DEFB4A: variants seen among roughly 807,000 people sequenced by gnomAD.
The protein encoded by DEFB4A is defensin beta 4A.
chr8:7,895,845 GGGAGGGAA>G lies in DEFB4A; in HGVS notation c.59-613_59-606del, dbSNP rs1818998499. 3.7e-4 allele frequency among the ~76,000 whole-genome samples: 17 copies of G among 45,584 alleles called. 2 individuals are homozygous for G. Among genetic ancestry groups the G allele is most frequent in the African/African-American group, 5.7e-4 (7 of 12,266 alleles). The allele number at this position is 45,584 out of a possible 152,430, so 29.9% of individuals were successfully genotyped here. A position where few individuals can be genotyped will look rare whatever the true frequency, so the allele number is the denominator to read the frequency against. ...AGGGAAGGAGGGAAGGAGGGAGGGA[GGGAGGGAA>G]GGAGGGAAGGAGGGAGGGAGGGAGG... On this transcript the variant is annotated intron_variant, in intron 1 of 1. Transcript: ENST00000302247.
chr8:7,895,319 A>T (rs1818990650), intron 1 of DEFB4A, among the ~76,000 whole-genome samples: 1 of 99,468 alleles, frequency 1.0e-5, no homozygotes, highest in African/African-American at 3.9e-5. Flanking sequence ...AGATACTGCA[A>T]CCTAGAGAAT....
At position 7,896,182 on chromosome 8, in the gene DEFB4A, C is replaced by G. The variant is rs547777581; in HGVS notation, c.59-292C>G. Among the ~76,000 whole-genome samples, 5 of 101,658 alleles carry G rather than the reference C, an allele frequency of 4.9e-5. 1 individual carries two copies. The highest frequency in any genetic ancestry group is 1.8e-4 in the African/African-American group (5 of 28,526). The allele number at this position is 101,658 out of a possible 152,430, so 66.7% of individuals were successfully genotyped here. ...ACAAGAGATCGTTGCTGAGCTCCTG[C>G]CAGACCCCACCTGGAGGCCCCAGTC... On this transcript the variant is annotated intron_variant, in intron 1 of 1. Transcript: ENST00000302247.
chr8:7,895,284 T>G, intron 1 of DEFB4A, among the ~76,000 whole-genome samples: 1 of 101,342 alleles, frequency 9.9e-6, no homozygotes, highest in Non-Finnish European at 2.1e-5. Context: ...GAATGTCATT[T>G]TCTAAATTTT....
intron 1 of DEFB4A, 49 bp downstream of exon 1, chr8:7,894,819 G>T (rs539952500): frequency 6.3e-7 from 1 of 1,587,672 alleles, no homozygotes; most frequent in Non-Finnish European, 8.6e-7. Context: ...GAAGAATGGC[G>T]TAGAAGTTCT....
chr8:7,894,704 C>G lies in DEFB4A; in HGVS notation c.-9C>G. On this transcript the variant is annotated 5_prime_UTR_variant, in exon 1 of 2. Transcript: ENST00000302247. ...ACTCAGCTCCTGGTGAAGCTCCCAGCCATCAGCCATGAGGGTCTTGTATCT... is the reference window on the plus strand; with the variant it reads ...ACTCAGCTCCTGGTGAAGCTCCCAGGCATCAGCCATGAGGGTCTTGTATCT... The G allele has an allele frequency of 6.2e-7, 1 of 1,611,418 alleles. No homozygotes were observed. The highest frequency in any genetic ancestry group is 2.2e-5 in the East Asian group (1 of 44,684).
intron 1 of DEFB4A, among the ~76,000 whole-genome samples, chr8:7,896,118 G>A (rs1819003310): frequency 2.9e-5 from 3 of 102,276 alleles, no homozygotes. Flanking sequence ...TGGAGGTATG[G>A]TGGCTTTGAT....
In DEFB4A at chr8:7,895,884, A is replaced by G. The variant is rs553468482; in HGVS notation, c.59-590A>G. Among the ~76,000 whole-genome samples the G allele has an allele frequency of 1.8e-3, 149 of 83,430 alleles. 15 individuals are homozygous for G. Among genetic ancestry groups the G allele is most frequent in the African/African-American group, 6.2e-3 (140 of 22,586 alleles). The allele number at this position is 83,430 out of a possible 152,430, so 54.7% of individuals were successfully genotyped here. A position where few individuals can be genotyped will look rare whatever the true frequency, so the allele number is the denominator to read the frequency against. On this transcript the variant is annotated intron_variant, in intron 1 of 1. Transcript: ENST00000302247. ...GAAGGAGGGAGGGAGGGAGGGAAAC[A>G]AAAAGAAGAATGAGGTTGAAACCAG... is the stretch of plus-strand genomic sequence containing the variant.
chr8:7,895,770 G>A (rs1269376650), intron 1 of DEFB4A, among the ~76,000 whole-genome samples: 3 of 52,676 alleles, frequency 5.7e-5, no homozygotes, highest in Non-Finnish European at 8.0e-5. Context: ...GGAAGGCGGG[G>A]AGGCAGGGAG....
intron 1 of DEFB4A, among the ~76,000 whole-genome samples, 156 bp downstream of exon 1, chr8:7,894,926 C>T (rs867047370): frequency 7.9e-6 from 1 of 127,094 alleles, no homozygotes; most frequent in Admixed American, 8.0e-5. Context: ...CTGCTTCTCT[C>T]TCTTCTTCCC....
rs183458942 is a variant in DEFB4A at position 7,895,069 on chromosome 8, G to T, written c.58+299G>T. On this transcript the variant is annotated intron_variant, in intron 1 of 1. Coordinates refer to ENST00000302247, the MANE Select transcript of DEFB4A (RefSeq NM_004942.4). The stretch of plus-strand genomic sequence containing the variant: ...GCCCTATTTAATTGAACCAAGCATT[G>T]CTTCCTTCAATAGAAAAGGAGTTTG... Among the ~76,000 whole-genome samples the T allele has an allele frequency of 6.7e-3, 678 of 101,156 alleles. 220 individuals carry two copies. The highest frequency in any genetic ancestry group is 0.01 in the Non-Finnish European group (485 of 47,214). 66.4% of individuals were successfully genotyped at this position (101,156 alleles called of 152,430 possible). A position where few individuals can be genotyped will look rare whatever the true frequency, so the allele number is the denominator to read the frequency against.
chr8:7,896,112 G>A lies in DEFB4A; in HGVS notation c.59-362G>A, dbSNP rs532068690. On this transcript the variant is annotated intron_variant, in intron 1 of 1. Transcript: ENST00000302247. ...ACTGGCTTGTGTGTGTTAAAATGGA[G>A]GTATGGTGGCTTTGATATTATCTTC... 3.9e-4 allele frequency among the ~76,000 whole-genome samples: 40 copies of A among 101,970 alleles called. 7 individuals are homozygous for A. The highest frequency in any genetic ancestry group is 1.4e-3 in the African/African-American group (40 of 28,740). The allele number at this position is 101,970 out of a possible 152,430, so 66.9% of individuals were successfully genotyped here. A position where few individuals can be genotyped will look rare whatever the true frequency, so the allele number is the denominator to read the frequency against.
intron 1 of DEFB4A, among the ~76,000 whole-genome samples, chr8:7,896,166 C>G (rs1360623169): frequency 9.8e-6 from 1 of 101,718 alleles, no homozygotes; most frequent in Non-Finnish European, 2.2e-5. Context: ...CACAAGAGAT[C>G]GTTGCTGAGC....
At chr8:7,895,808 A>T (rs1465838309) in intron 1 of DEFB4A, among the ~76,000 whole-genome samples, 7 of 40 alleles carry the variant, frequency 0.17, no homozygotes, top group Non-Finnish European at 0.29. Flanking sequence ...TGGGAGGGGG[A>T]GGGAGGGAGG....
chr8:7,895,767 G>C (rs1220890906), intron 1 of DEFB4A, among the ~76,000 whole-genome samples: 2 of 63,664 alleles, frequency 3.1e-5, no homozygotes, highest in African/African-American at 1.2e-4. Context: ...GAAGGAAGGC[G>C]GGGAGGCAGG....
intron 1 of DEFB4A, among the ~76,000 whole-genome samples, chr8:7,896,148 G>A (rs1819003728): frequency 9.8e-6 from 1 of 102,116 alleles, no homozygotes; most frequent in African/African-American, 3.5e-5. Flanking sequence ...TTGTGGTGGA[G>A]CTGAATTCAC....
chr8:7,895,064 G>A lies in DEFB4A; in HGVS notation c.58+294G>A, dbSNP rs1353429485. 3.0e-5 allele frequency among the ~76,000 whole-genome samples: 3 copies of A among 101,316 alleles called. 1 individual carries two copies. Among genetic ancestry groups the A allele is most frequent in the Non-Finnish European group, 4.2e-5 (2 of 47,248 alleles). 66.5% of individuals were successfully genotyped at this position (101,316 alleles called of 152,430 possible). ...TGAATGCCCTATTTAATTGAACCAA[G>A]CATTGCTTCCTTCAATAGAAAAGGA... is the stretch of plus-strand genomic sequence containing the variant. On this transcript the variant is annotated intron_variant, in intron 1 of 1. Coordinates refer to ENST00000302247, the MANE Select transcript of DEFB4A (RefSeq NM_004942.4).
Position 7,896,113 on chromosome 8 carries a change from G to T in DEFB4A, c.59-361G>T, listed in dbSNP as rs1283801161. 5.9e-5 allele frequency among the ~76,000 whole-genome samples: 6 copies of T among 102,072 alleles called. 2 individuals are homozygous for T. Among genetic ancestry groups the T allele is most frequent in the Non-Finnish European group, 1.3e-4 (6 of 46,232 alleles). 67.0% of individuals were successfully genotyped at this position (102,072 alleles called of 152,430 possible). On this transcript the variant is annotated intron_variant, in intron 1 of 1. Coordinates refer to ENST00000302247, the MANE Select transcript of DEFB4A (RefSeq NM_004942.4). ...CTGGCTTGTGTGTGTTAAAATGGAG[G>T]TATGGTGGCTTTGATATTATCTTCT...
At chr8:7,895,911 A>T (rs1166473612) in intron 1 of DEFB4A, among the ~76,000 whole-genome samples, 1 of 93,220 alleles carries the variant, frequency 1.1e-5, no homozygotes, top group Admixed American at 1.0e-4. Context: ...TGAAACCAGG[A>T]CTTAGATATT....
In DEFB4A at chr8:7,896,243, C is replaced by A. The variant is rs1439612183; in HGVS notation, c.59-231C>A. On this transcript the variant is annotated intron_variant, in intron 1 of 1. Transcript: ENST00000302247. ...GATCAGGGTCTTTCACAATCAGGTT[C>A]TACAAAAATAAACATCCCCCAAACC... 3.1e-3 allele frequency among the ~76,000 whole-genome samples: 286 copies of A among 92,630 alleles called. 84 individuals carry two copies. The highest frequency in any genetic ancestry group is 5.7e-3 in the Non-Finnish European group (245 of 42,756). 60.8% of individuals were successfully genotyped at this position (92,630 alleles called of 152,430 possible).
Sources: allele counts gnomAD v4.1 joint callset (sites outside exome capture counted in the v4.1 genomes callset), GRCh38; gene constraint gnomAD v4.1.1; transcripts MANE v1.5; gene names NCBI Gene and HGNC (gene_info 2026-07-23, HGNC 2026-07-21).